The following ZNF324 variants were observed in gnomAD, a reference collection of about 807,000 sequenced individuals.
ZNF324 encodes the protein zinc finger protein 324A.
A neutral mutation model predicts 10.3 loss-of-function variants in ZNF324; 3 were observed. That is an observed-to-expected ratio of 0.29 (90% confidence interval 0.13 to 0.75). ZNF324 has a LOEUF of 0.75. Ranked by LOEUF, ZNF324 falls within the 30% of genes least tolerant of loss-of-function variation. The pLI is 0.69. For synonymous variants in ZNF324, 430 were observed against 339.5 expected (o/e 1.27, Z -2.93); for missense variants, 763 against 784.4 (o/e 0.97, Z 0.33).
Position 58,469,192 on chromosome 19 carries a change from T to C in ZNF324, c.7T>C (p.Phe3Leu). Residue 3 changes from phenylalanine (F) to leucine (L), a missense_variant, in exon 2 of 4, where the codon TTT becomes CTT. Phe to Leu is a conservative substitution (Grantham distance 22). This residue lies in a region of ZNF324 where 379 missense variants were observed against 319.4 expected (regional missense o/e 1.19). Transcript: ENST00000196482. Reference protein sequence around the residue: MAFEDVAVYFSQE... With the variant: MALEDVAVYFSQE... ...CCTGCTCTTTTAGGACCAGATGGCCTTTGAGGATGTGGCTGTGTACTTCTC... is the reference window on the plus strand; with the variant it reads ...CCTGCTCTTTTAGGACCAGATGGCCCTTGAGGATGTGGCTGTGTACTTCTC... 1 of 1,614,156 alleles carries C rather than the reference T, an allele frequency of 6.2e-7. No homozygotes were observed. Among genetic ancestry groups the C allele is most frequent in the Non-Finnish European group, 8.5e-7 (1 of 1,180,016 alleles).
At chr19:58,470,507 G>A (rs1466928385) in intron 3 of ZNF324, 1 of 656,612 alleles carries the variant, frequency 1.5e-6, no homozygotes, top group South Asian at 1.7e-5. Flanking sequence ...GGTGTCGGGG[G>A]GCTGCCACCT....
chr19:58,471,909 C>G lies in ZNF324; in HGVS notation c.1417C>G (p.Arg473Gly), dbSNP rs1244224761. The change falls in exon 4 of 4, where the codon CGC becomes GGC. Residue 473 changes from arginine to glycine, a missense_variant. By Grantham distance (125) the Arg-to-Gly change is moderately radical. Transcript: ENST00000196482. ...AKGAVLLSHR[R>G]IHTGEKPFVC... ...GGGCGCCGTGCTGCTCAGCCACCGG[C>G]GCATTCACACGGGCGAGAAGCCCTT... 1.9e-6 allele frequency: 3 copies of G among 1,610,482 alleles called. No homozygotes were observed. The highest frequency in any genetic ancestry group is 2.5e-6 in the Non-Finnish European group (3 of 1,179,100).
At position 58,472,176 on chromosome 19, in the gene ZNF324, CCTT is replaced by C. The variant is rs765768397; in HGVS notation, c.*25_*27del. 2.5e-5 allele frequency: 39 copies of C among 1,546,586 alleles called. No homozygotes were observed. In the African/African-American group the frequency reaches 2.9e-4, roughly 11 times the overall value. Reference sequence around the variant, plus strand: ...CTGAGGTCACAGGTTGCAGCCCTGGCCTTCTGTGAATCCCTTCCACAGCTAAAG... The same window carrying C: ...CTGAGGTCACAGGTTGCAGCCCTGGCCTGTGAATCCCTTCCACAGCTAAAG... On this transcript the variant is annotated 3_prime_UTR_variant, in exon 4 of 4. Transcript: ENST00000196482.
Position 58,475,252 on chromosome 19 carries a change from C to T in ZNF324, c.*3098C>T, listed in dbSNP as rs2053070972. On this transcript the variant is annotated 3_prime_UTR_variant, in exon 4 of 4. Coordinates refer to ENST00000196482, the MANE Select transcript of ZNF324 (RefSeq NM_014347.3). ...AGGGATTCCCAGGTATCCAAAGAAA[C>T]CAAAACAGGCGGTGTAATTTAGGAC... is the stretch of plus-strand genomic sequence containing the variant. The T allele has an allele frequency of 6.6e-6, 1 of 152,156 alleles. No homozygotes were observed. Among genetic ancestry groups the T allele is most frequent in the Admixed American group, 6.5e-5 (1 of 15,278 alleles). The allele number at this position is 152,156 out of a possible 1,614,324, so 9.4% of individuals were successfully genotyped here.
At chr19:58,469,382 G>A (rs879025968) in intron 2 of ZNF324, 76 bp downstream of exon 2, 1 of 1,567,872 alleles carries the variant, frequency 6.4e-7, no homozygotes, top group South Asian at 1.2e-5. Flanking sequence ...TCACCTCCCT[G>A]GTGGCTGACG....
At position 58,471,030 on chromosome 19, in the gene ZNF324, A is replaced by T. The variant is rs2053026563; in HGVS notation, c.538A>T (p.Thr180Ser). The change falls in exon 4 of 4, where the codon ACA becomes TCA. Residue 180 changes from threonine to serine, a missense_variant. Coordinates refer to ENST00000196482, the MANE Select transcript of ZNF324 (RefSeq NM_014347.3). ...EGVRLREKTL[T>S]EHALLGRQPR... ...CGTCCGGCTTAGAGAAAAGACACTC[A>T]CAGAGCATGCGTTGCTGGGGAGGCA... 6.2e-7 allele frequency: 1 copy of T among 1,613,952 alleles called. No homozygotes were observed. The highest frequency in any genetic ancestry group is 1.1e-5 in the South Asian group (1 of 91,088).
chr19:58,473,991 A>T lies in ZNF324; in HGVS notation c.*1837A>T, dbSNP rs1011086556. On this transcript the variant is annotated 3_prime_UTR_variant, in exon 4 of 4. Transcript: ENST00000196482. ...TGATGACCCTGCAAGGTTGACTCCA[A>T]CCAGTGGGCACTCCATCCCATGGCT... The T allele has an allele frequency of 6.6e-6, 1 of 152,258 alleles. No homozygotes were observed. Among genetic ancestry groups the T allele is most frequent in the Non-Finnish European group, 1.5e-5 (1 of 68,076 alleles). 9.4% of individuals were successfully genotyped at this position (152,258 alleles called of 1,614,324 possible).
chr19:58,470,476 T>G, intron 3 of ZNF324: 1 of 612,022 alleles, frequency 1.6e-6, no homozygotes, highest in Non-Finnish European at 3.0e-6. Context: ...AGCCGCTAGT[T>G]TTCCTCAGCT....
rs1388768683 is a variant in ZNF324 at position 58,474,782 on chromosome 19, G to A, written c.*2628G>A. ...TTTAAAACACATAACCCACAAGTATGAGGATGGTGACAGAGGAGTCAGGAG... is the reference window on the plus strand; with the variant it reads ...TTTAAAACACATAACCCACAAGTATAAGGATGGTGACAGAGGAGTCAGGAG... On this transcript the variant is annotated 3_prime_UTR_variant, in exon 4 of 4. Coordinates refer to ENST00000196482, the MANE Select transcript of ZNF324 (RefSeq NM_014347.3). 1 of 152,214 alleles carries A rather than the reference G, an allele frequency of 6.6e-6. No homozygotes were observed. The highest frequency in any genetic ancestry group is 1.5e-5 in the Non-Finnish European group (1 of 68,012). The allele number at this position is 152,214 out of a possible 1,614,324, so 9.4% of individuals were successfully genotyped here. A position where few individuals can be genotyped will look rare whatever the true frequency, so the allele number is the denominator to read the frequency against.
At position 58,470,719 on chromosome 19, in the gene ZNF324, C is replaced by T. The variant is rs1392169967; in HGVS notation, c.239-12C>T. The T allele has an allele frequency of 1.2e-6, 2 of 1,614,220 alleles. No homozygotes were observed. The highest frequency in any genetic ancestry group is 1.7e-5 in the Admixed American group (1 of 60,032). ...AGGATGCCCCAGGCAACCACTGTTT[C>T]TCTGCCTTTAGGTTCCTGGAGTTTG... On this transcript the variant is annotated splice_polypyrimidine_tract_variant and intron_variant, in intron 3 of 3. Transcript: ENST00000196482.
Position 58,472,086 on chromosome 19 carries a change from C to T in ZNF324, c.1594C>T (p.Pro532Ser), listed in dbSNP as rs773578671. The T allele has an allele frequency of 2.5e-6, 4 of 1,600,496 alleles. No individual in the cohort carries two copies. Among genetic ancestry groups the T allele is most frequent in the East Asian group, 2.2e-5 (1 of 44,698 alleles). The change falls in exon 4 of 4, where the codon CCA (proline) becomes TCA (serine). Residue 532 changes from proline (P) to serine (S), a missense_variant. Physicochemically the swap from Pro to Ser is moderately conservative, Grantham distance 74. Coordinates refer to ENST00000196482, the MANE Select transcript of ZNF324 (RefSeq NM_014347.3). ...SVAGASSEGA[P>S]AKETEPTPAS... ...TGCCGGGGCATCATCAGAAGGTGCG[C>T]CAGCGAAGGAAACCGAGCCCACTCC... is the stretch of plus-strand genomic sequence containing the variant.
chr19:58,469,977 C>A, intron 3 of ZNF324, 133 bp downstream of exon 3: 3 of 715,376 alleles, frequency 4.2e-6, no homozygotes, highest in South Asian at 3.5e-5. Context: ...CATCATCAGC[C>A]CCTCCTGGAG....
Position 58,471,531 on chromosome 19 carries a change from G to A in ZNF324, c.1039G>A (p.Gly347Ser). 3 of 1,575,250 alleles carry A rather than the reference G, an allele frequency of 1.9e-6. No individual in the cohort carries two copies. The highest frequency in any genetic ancestry group is 2.6e-6 in the Non-Finnish European group (3 of 1,158,332). The change falls in exon 4 of 4, where the codon GGC (glycine) becomes AGC (serine). Residue 347 changes from glycine (G) to serine (S), a missense_variant. By Grantham distance (56) the Gly-to-Ser change is moderately conservative (BLOSUM62 0). Coordinates refer to ENST00000196482, the MANE Select transcript of ZNF324 (RefSeq NM_014347.3). ...GAAGTCCTTCCGCTGCTCCGAGTGC[G>A]GCAAGGCCTTCAGCCACGGCTCCAA... ...AEKSFRCSEC[G>S]KAFSHGSNLS...
At chr19:58,470,554 C>G (rs2053019907) in intron 3 of ZNF324, 177 bp from the exon 4 acceptor site, 1 of 768,392 alleles carries the variant, frequency 1.3e-6, no homozygotes, top group Non-Finnish European at 2.3e-6. Context: ...AGTGCCATAC[C>G]TATCAGGGCA....
chr19:58,470,503 G>A (rs572532239), intron 3 of ZNF324: 17 of 648,244 alleles, frequency 2.6e-5, no homozygotes, highest in Non-Finnish European at 3.9e-5. Context: ...CCTGGGTGTC[G>A]GGGGGCTGCC....
chr19:58,473,506 T>G lies in ZNF324; in HGVS notation c.*1352T>G, dbSNP rs991643639. The G allele has an allele frequency of 6.6e-6, 1 of 151,760 alleles. No individual in the cohort carries two copies. Among genetic ancestry groups the G allele is most frequent in the African/African-American group, 2.4e-5 (1 of 41,340 alleles). 9.4% of individuals were successfully genotyped at this position (151,760 alleles called of 1,614,324 possible). ...TGGACCTCCAGAGCACAGCCTCTTG[T>G]CCCTACTCCAGAGCATGGTTCAGTC... On this transcript the variant is annotated 3_prime_UTR_variant, in exon 4 of 4. Transcript: ENST00000196482.
At position 58,468,099 on chromosome 19, in the gene ZNF324, G is replaced by A. The variant is rs575935465; in HGVS notation, c.-7+916G>A. The A allele has an allele frequency of 7.6e-4, 562 of 743,746 alleles. 5 individuals carry two copies. In the Middle Eastern group the frequency reaches 0.011, roughly 15 times the overall value. 46.1% of individuals were successfully genotyped at this position (743,746 alleles called of 1,614,324 possible). A position where few individuals can be genotyped will look rare whatever the true frequency, so the allele number is the denominator to read the frequency against. The stretch of plus-strand genomic sequence containing the variant: ...CCATGTTGTTCAGCCTGAGCGCCTG[G>A]AAGAAGAGAGCTGCTGTAGATAGAA... On this transcript the variant is annotated intron_variant, in intron 1 of 3. Transcript: ENST00000196482.
rs764873018 is a variant in ZNF324 at position 58,471,917 on chromosome 19, C to T, written c.1425C>T (p.His475=). ...GAVLLSHRRI[H]TGEKPFVCTQ... is the part of the protein sequence containing the mutation. The stretch of plus-strand genomic sequence containing the variant: ...TGCTGCTCAGCCACCGGCGCATTCA[C>T]ACGGGCGAGAAGCCCTTCGTGTGTA... Residue 475 remains histidine, a synonymous_variant, in exon 4 of 4, where the codon CAC becomes CAT. Coordinates refer to ENST00000196482, the MANE Select transcript of ZNF324 (RefSeq NM_014347.3). 2.9e-5 allele frequency: 46 copies of T among 1,610,546 alleles called. No individual in the cohort carries two copies. The East Asian group carries it at 7.6e-4, about 27-fold the overall frequency.
chr19:58,469,035 T>G, intron 1 of ZNF324, 145 bp from the exon 2 acceptor site: 1 of 999,470 alleles, frequency 1.0e-6, no homozygotes, highest in Non-Finnish European at 1.5e-6. Context: ...AATTTTTATT[T>G]TTTTTAGCTC....
Sources: gnomAD v4.1 joint callset for allele counts on GRCh38, gnomAD v4.1.1 for gene constraint, gnomAD v4.1.1 regional missense constraint, MANE v1.5 for transcripts, NCBI Gene and HGNC (gene_info 2026-07-23, HGNC 2026-07-21) for gene names.